The following PRH1 variants were observed in gnomAD, a reference collection of about 807,000 sequenced individuals.
PRH1 encodes salivary acidic proline-rich phosphoprotein 1/2.
Under a neutral mutation model 7.9 loss-of-function variants are expected in PRH1, and 7 were observed. The ratio of observed to expected loss-of-function variants is 0.89; its 90% CI spans 0.50 to 1.67. The LOEUF is 1.67. PRH1 is among the 40% of genes most tolerant of loss of function. The probability of loss-of-function intolerance (pLI) is 0.00; values close to 1 mark genes in which losing one functional copy is unlikely to be tolerated. For synonymous variants in PRH1, 45 were observed against 80.8 expected (o/e 0.56, Z 2.38); for missense variants, 109 against 223.6 (o/e 0.49, Z 3.27).
At chr12:10,987,267 TTAGA>T (rs1308384163) in intron 1 of PRH1, among the ~76,000 whole-genome samples, 3 of 152,146 alleles carry the variant, frequency 2.0e-5, no homozygotes, top group Non-Finnish European at 2.9e-5. Context: ...ACTTCAGCTG[TTAGA>T]TAGGGAAATT....
At chr12:11,026,062 G>C (rs1941896799) in intron 1 of PRH1, among the ~76,000 whole-genome samples, 2 of 152,090 alleles carry the variant, frequency 1.3e-5, no homozygotes, top group South Asian at 2.1e-4. Context: ...CTGAGACACA[G>C]TCTCCCTCTG....
intron 1 of PRH1, among the ~76,000 whole-genome samples, chr12:11,074,398 C>G (rs2167479): frequency 2.4e-4 from 34 of 142,818 alleles, no homozygotes; most frequent in African/African-American, 7.1e-4. Context: ...CCTGAGCATC[C>G]TCTCCACATC....
chr12:11,127,501 A>G (rs1946175254), intron 1 of PRH1, among the ~76,000 whole-genome samples: 1 of 152,292 alleles, frequency 6.6e-6, no homozygotes, highest in Non-Finnish European at 1.5e-5. Context: ...TTTCTACCAA[A>G]AGTGTCCAAG....
chr12:11,031,315 G>T (rs1170297888), intron 1 of PRH1: 1 of 1,613,524 alleles, frequency 6.2e-7, no homozygotes, highest in Admixed American at 1.7e-5. Flanking sequence ...TGGAAAAAAT[G>T]ATGGGTATAA....
At chr12:10,937,150 C>G (rs1950301204) in intron 2 of PRH1, among the ~76,000 whole-genome samples, 1 of 152,030 alleles carries the variant, frequency 6.6e-6, no homozygotes, top group Non-Finnish European at 1.5e-5. Context: ...TTACCTCTCA[C>G]TACCTTGCAG....
At chr12:10,954,253 A>C (rs1055801091) in intron 2 of PRH1, among the ~76,000 whole-genome samples, 1 of 152,224 alleles carries the variant, frequency 6.6e-6, no homozygotes, top group Non-Finnish European at 1.5e-5. Context: ...TCAAATTCCC[A>C]CATATCAATA....
intron 2 of PRH1, among the ~76,000 whole-genome samples, chr12:10,892,543 T>G (rs1404842010): frequency 1.3e-5 from 2 of 152,138 alleles, no homozygotes; most frequent in Non-Finnish European, 2.9e-5. Flanking sequence ...ATAAGGGGTA[T>G]GTCATTTTAT....
chr12:10,891,887 TGAA>T (rs934702553), intron 2 of PRH1: 8 of 152,200 alleles, frequency 5.3e-5, no homozygotes, highest in African/African-American at 1.9e-4. Context: ...TCTTGCCTTC[TGAA>T]GAAGAAGCTT....
intron 1 of PRH1, among the ~76,000 whole-genome samples, chr12:10,989,579 T>C (rs74062416): frequency 0.014 from 2,083 of 152,306 alleles, 51 homozygotes; most frequent in African/African-American, 0.046. Flanking sequence ...TATATATGGC[T>C]ATTTCTATAT....
At chr12:11,117,344 A>G (rs1397296219), downstream of PRH1, among the ~76,000 whole-genome samples, 1 of 152,120 alleles carries the variant, frequency 6.6e-6, no homozygotes, top group Non-Finnish European at 1.5e-5. Flanking sequence ...ATACCTGAAA[A>G]TTAACTCAGC....
chr12:11,048,778 C>T, upstream of PRH1: 1 of 299,308 alleles, frequency 3.3e-6, no homozygotes, highest in Non-Finnish European at 6.7e-6. Flanking sequence ...AGACAAATTT[C>T]CTTCATATTC....
At chr12:11,141,390 CTTAAT>C (rs1434368997) in intron 1 of PRH1, among the ~76,000 whole-genome samples, 1 of 152,140 alleles carries the variant, frequency 6.6e-6, no homozygotes, top group African/African-American at 2.4e-5. Flanking sequence ...TTTTCCTCTG[CTTAAT>C]TTATTTTTGA....
At chr12:11,108,295 G>A (rs73066806) in intron 1 of PRH1, among the ~76,000 whole-genome samples, 1,777 of 152,220 alleles carry the variant, frequency 0.012, 19 homozygotes, top group Non-Finnish European at 0.02. Flanking sequence ...ATATAACACT[G>A]TAAATGTGGT....
chr12:10,901,785 T>C (rs901872972), intron 2 of PRH1, among the ~76,000 whole-genome samples: 1 of 150,074 alleles, frequency 6.7e-6, no homozygotes, highest in African/African-American at 2.4e-5. Flanking sequence ...TCTAAAGTCA[T>C]ACCTCCTAAG....
chr12:11,102,786 A>G lies in PRH1; in HGVS notation n.124-55598T>C, dbSNP rs1171131368. 2.6e-5 allele frequency among the ~76,000 whole-genome samples: 4 copies of G among 152,306 alleles called. No homozygotes were observed. The East Asian group carries it at 7.7e-4, about 29-fold the overall frequency. On this transcript the variant is annotated intron_variant and non_coding_transcript_variant, in intron 1 of 4. Transcript: ENST00000541977. ...CAGAAGGAGAAAATTTTTACAATCT[A>G]CCCATCTGACAAAGGGCTAATATCC...
At chr12:10,932,831 G>A (rs886129500) in intron 2 of PRH1, among the ~76,000 whole-genome samples, 2 of 152,132 alleles carry the variant, frequency 1.3e-5, no homozygotes, top group Admixed American at 6.5e-5. Flanking sequence ...TGTGAAAATT[G>A]ATGTGACTTG....
downstream of PRH1, among the ~76,000 whole-genome samples, chr12:11,116,153 C>T (rs908772819): frequency 2.6e-5 from 4 of 151,234 alleles, no homozygotes; most frequent in South Asian, 2.1e-4. Context: ...ACGTTCAGGC[C>T]GACCAAGAAA....
At chr12:11,036,270 T>C (rs1942431107) in intron 1 of PRH1, among the ~76,000 whole-genome samples, 1 of 152,230 alleles carries the variant, frequency 6.6e-6, no homozygotes, top group African/African-American at 2.4e-5. Context: ...AAAACAGTAC[T>C]TACGAGTTTA....
chr12:11,072,316 T>C lies in PRH1; in HGVS notation n.124-25128A>G, dbSNP rs1236774004. Among the ~76,000 whole-genome samples the C allele has an allele frequency of 1.4e-4, 22 of 152,176 alleles. No individual in the cohort carries two copies. In the South Asian group the frequency reaches 4.4e-3, roughly 30 times the overall value. The stretch of plus-strand genomic sequence containing the variant: ...CTGGGAGTTTTTGAAGGTCAGATGC[T>C]ACCTAGATTTTTGACTCATGTACAT... On this transcript the variant is annotated intron_variant and non_coding_transcript_variant, in intron 1 of 4. Coordinates refer to the PRH1 transcript ENST00000541977.
Sources: gnomAD v4.1 joint callset for allele counts (sites outside exome capture counted in the v4.1 genomes callset) on GRCh38, gnomAD v4.1.1 for gene constraint, MANE v1.5 for transcripts, NCBI Gene and HGNC (gene_info 2026-07-23, HGNC 2026-07-21) for gene names.